The following KDM4C variants were observed in gnomAD, a reference collection of about 807,000 sequenced individuals.
KDM4C encodes the protein lysine demethylase 4C, also known as lysine-specific demethylase 4C.
In KDM4C, 81 loss-of-function variants were observed where a neutral mutation model predicts 129.3. The observed-to-expected ratio is 0.63, with a 90% confidence interval of 0.52 to 0.75. The LOEUF (loss-of-function observed/expected upper bound fraction) is 0.75. Among genes scored for constraint, KDM4C ranks in the 30% least tolerant of loss-of-function variants. KDM4C has a pLI of 0.00. For synonymous variants in KDM4C, 573 were observed against 456.1 expected (o/e 1.26, Z -3.26); for missense variants, 1,457 against 1,304.0 (o/e 1.12, Z -1.81).
intron 16 of KDM4C, among the ~76,000 whole-genome samples, chr9:7,048,750 T>G (rs1411281259): frequency 1.3e-5 from 2 of 152,114 alleles, no homozygotes; most frequent in Non-Finnish European, 2.9e-5. Context: ...TTAGCTTAAG[T>G]ACTTTAAGCA....
At chr9:6,761,588 A>G (rs1021288828) in intron 1 of KDM4C, among the ~76,000 whole-genome samples, 9 of 151,664 alleles carry the variant, frequency 5.9e-5, no homozygotes, top group African/African-American at 1.9e-4. Flanking sequence ...CCAAAGTGCT[A>G]GGATGACAGG....
At chr9:6,741,449 C>T (rs926022747) in intron 1 of KDM4C, among the ~76,000 whole-genome samples, 5 of 151,978 alleles carry the variant, frequency 3.3e-5, no homozygotes, top group Non-Finnish European at 7.4e-5. Context: ...TCTATTTACC[C>T]GGGTACATGC....
At chr9:7,141,677 G>C (rs1460193836) in intron 19 of KDM4C, among the ~76,000 whole-genome samples, 1 of 152,138 alleles carries the variant, frequency 6.6e-6, no homozygotes, top group Non-Finnish European at 1.5e-5. Flanking sequence ...GATGAGTTCA[G>C]ACTTGGTTGT....
chr9:6,863,649 A>G (rs537728737), intron 5 of KDM4C, among the ~76,000 whole-genome samples: 110 of 152,214 alleles, frequency 7.2e-4, no homozygotes, highest in Non-Finnish European at 1.2e-3. Flanking sequence ...ACAAAAAATT[A>G]GCCAGGCGTG....
intron 17 of KDM4C, among the ~76,000 whole-genome samples, chr9:7,096,693 G>C (rs16925334): frequency 2.0e-5 from 3 of 151,926 alleles, no homozygotes; most frequent in Non-Finnish European, 4.4e-5. Flanking sequence ...CTTAGAATTC[G>C]TCCAACTGTA....
chr9:6,811,525 G>T (rs1831144672), intron 3 of KDM4C, among the ~76,000 whole-genome samples: 1 of 152,118 alleles, frequency 6.6e-6, no homozygotes, highest in African/African-American at 2.4e-5. Context: ...TGCTCATTTG[G>T]TTGATAATGC....
At chr9:7,009,156 A>T (rs1093706) in intron 12 of KDM4C, among the ~76,000 whole-genome samples, 27,464 of 152,198 alleles carry the variant, frequency 0.18, 2,531 homozygotes, top group Admixed American at 0.23. Flanking sequence ...CAGGAAGACA[A>T]TGCACAAACA....
Position 6,987,391 on chromosome 9 carries a change from T to C in KDM4C, c.1677+725T>C, listed in dbSNP as rs546939246. ...GTCCTTGTACAGTATTAATATTCCA[T>C]ATTCAGTAGAAACTGTCCATGTAGC... is the stretch of plus-strand genomic sequence containing the variant. On this transcript the variant is annotated intron_variant, in intron 11 of 21. Transcript: ENST00000381309. 5.3e-5 allele frequency among the ~76,000 whole-genome samples: 8 copies of C among 152,344 alleles called. No individual in the cohort carries two copies. The South Asian group carries it at 1.7e-3, about 32-fold the overall frequency.
intron 3 of KDM4C, among the ~76,000 whole-genome samples, chr9:6,806,860 C>T (rs923192528): frequency 7.0e-6 from 1 of 143,856 alleles, no homozygotes; most frequent in African/African-American, 2.8e-5. Flanking sequence ...CACACTGTTG[C>T]TCTCCCTCTC....
chr9:6,749,536 T>C (rs868483589), intron 1 of KDM4C, among the ~76,000 whole-genome samples: 2 of 152,076 alleles, frequency 1.3e-5, no homozygotes, highest in African/African-American at 4.8e-5. Context: ...GACATGGTGG[T>C]GCATGCCTGT....
chr9:6,842,953 A>G (rs574439556), intron 4 of KDM4C, among the ~76,000 whole-genome samples: 3 of 152,210 alleles, frequency 2.0e-5, no homozygotes. Flanking sequence ...TTTCTGAGAC[A>G]GAGTCTCGCT....
At chr9:6,763,788 G>C (rs532696154) in intron 1 of KDM4C, among the ~76,000 whole-genome samples, 1 of 152,044 alleles carries the variant, frequency 6.6e-6, no homozygotes, top group South Asian at 2.1e-4. Flanking sequence ...ATAGAGTTTC[G>C]CTCTTGTTGC....
At chr9:6,797,680 C>G (rs996673690) in intron 2 of KDM4C, among the ~76,000 whole-genome samples, 3 of 152,116 alleles carry the variant, frequency 2.0e-5, no homozygotes, top group Non-Finnish European at 2.9e-5. Context: ...TTATGAACAG[C>G]CTAGAGAGTG....
chr9:7,027,926 C>A (rs1011704041), intron 15 of KDM4C, among the ~76,000 whole-genome samples: 1 of 152,162 alleles, frequency 6.6e-6, no homozygotes, highest in Non-Finnish European at 1.5e-5. Flanking sequence ...TCAGTTAAGG[C>A]CCTAGGGCTC....
intron 1 of KDM4C, among the ~76,000 whole-genome samples, chr9:6,735,795 A>G (rs1222080664): frequency 6.6e-6 from 1 of 152,202 alleles, no homozygotes; most frequent in African/African-American, 2.4e-5. Flanking sequence ...ACTGCTGTAG[A>G]TACCCAAAAA....
chr9:6,935,425 CT>C (rs968936054), intron 8 of KDM4C, among the ~76,000 whole-genome samples: 2 of 145,784 alleles, frequency 1.4e-5, no homozygotes, highest in Non-Finnish European at 1.5e-5. Context: ...ATTTTTTTTT[CT>C]TTTTTTTTGA....
intron 14 of KDM4C, among the ~76,000 whole-genome samples, chr9:7,014,754 T>C (rs184883418): frequency 1.3e-5 from 2 of 152,268 alleles, no homozygotes; most frequent in East Asian, 3.9e-4. Context: ...ATCTTCTGTA[T>C]TTACCTCAGA....
rs890144010 is a variant in KDM4C, at chr9:7,175,407, C to G, written c.*678C>G. The stretch of plus-strand genomic sequence containing the variant: ...GAAAGAATTCTTATGAATTGTTATG[C>G]GAATTTTATATATTTAAAGAGGGAG... On this transcript the variant is annotated 3_prime_UTR_variant, in exon 22 of 22. Transcript: ENST00000381309. 1 of 152,264 alleles carries G rather than the reference C, an allele frequency of 6.6e-6. No individual in the cohort carries two copies. The allele number at this position is 152,264 out of a possible 1,614,324, so 9.4% of individuals were successfully genotyped here.
intron 5 of KDM4C, among the ~76,000 whole-genome samples, chr9:6,858,458 A>G (rs1179040728): frequency 6.6e-6 from 1 of 152,164 alleles, no homozygotes; most frequent in Non-Finnish European, 1.5e-5. Context: ...AACTTTCTTT[A>G]TTGTGTACTT....
Sources: allele counts gnomAD v4.1 joint callset (sites outside exome capture counted in the v4.1 genomes callset), GRCh38; gene constraint gnomAD v4.1.1; transcripts MANE v1.5; gene names NCBI Gene and HGNC (gene_info 2026-07-23, HGNC 2026-07-21).